CTNNA3: variants seen among roughly 807,000 people sequenced by gnomAD.
The protein encoded by CTNNA3 is catenin alpha 3, also known as catenin alpha-3.
In CTNNA3, 76 loss-of-function variants were observed where a neutral mutation model predicts 95.7. The ratio of observed to expected loss-of-function variants is 0.79; its 90% CI spans 0.66 to 0.96. The LOEUF (loss-of-function observed/expected upper bound fraction) is 0.96. Among genes scored for constraint, CTNNA3 ranks in the 40% least tolerant of loss-of-function variants. The probability of loss-of-function intolerance (pLI) is 0.00; values close to 1 mark genes in which losing one functional copy is unlikely to be tolerated. For synonymous variants in CTNNA3, 431 were observed against 374.4 expected, an observed-to-expected ratio of 1.15 and a Z score of -1.74; for missense variants, 1,191 against 1,089.8, an observed-to-expected ratio of 1.09 and a Z score of -1.31.
chr10:67,443,481 T>C (rs1313253028), intron 5 of CTNNA3, among the ~76,000 whole-genome samples: 17 of 151,906 alleles, frequency 1.1e-4, no homozygotes, highest in South Asian at 6.3e-4. Flanking sequence ...TTTTAATGAT[T>C]GCCGTTCTAA....
intron 4 of CTNNA3, among the ~76,000 whole-genome samples, chr10:67,535,960 T>C (rs1206939187): frequency 6.6e-6 from 1 of 151,928 alleles, no homozygotes; most frequent in East Asian, 1.9e-4. Flanking sequence ...CAAGACACCA[T>C]GAGTAAAAGC....
intron 7 of CTNNA3, among the ~76,000 whole-genome samples, chr10:67,029,241 A>G (rs1853575811): frequency 6.6e-6 from 1 of 152,240 alleles, no homozygotes; most frequent in African/African-American, 2.4e-5. Flanking sequence ...ATATTCTTAA[A>G]TAAAACATGA....
rs1251890896 is a variant in CTNNA3, at chr10:65,940,778, T to G, written c.2401-20161A>C. Among the ~76,000 whole-genome samples, 3 of 152,212 alleles carry G rather than the reference T, an allele frequency of 2.0e-5. No individual in the cohort carries two copies. In the South Asian group the frequency reaches 6.2e-4, roughly 32 times the overall value. ...TATATCCTGTTCAAAAATCAGTTTG[T>G]GAAACTTGCAATGCCATTCACAAAA... On this transcript the variant is annotated intron_variant, in intron 17 of 17. Transcript: ENST00000433211.
Position 67,633,318 on chromosome 10 carries a change from A to T in CTNNA3, c.99+14097T>A, listed in dbSNP as rs568104951. Among the ~76,000 whole-genome samples, 3 of 152,216 alleles carry T rather than the reference A, an allele frequency of 2.0e-5. No homozygotes were observed. The South Asian group carries it at 6.2e-4, about 32-fold the overall frequency. On this transcript the variant is annotated intron_variant, in intron 2 of 17. Transcript: ENST00000433211. ...AGCCATTCTAGCCTGCCAGCTTTGG[A>T]GAATACAAACGGTCCAGATGAAGAA...
At chr10:65,924,471 A>G (rs1226861502) in intron 17 of CTNNA3, among the ~76,000 whole-genome samples, 1 of 152,180 alleles carries the variant, frequency 6.6e-6, no homozygotes, top group Admixed American at 6.5e-5. Flanking sequence ...AAAAGACCAA[A>G]TGACATTAGT....
chr10:67,328,350 A>G (rs1171465041), intron 5 of CTNNA3, among the ~76,000 whole-genome samples: 1 of 152,184 alleles, frequency 6.6e-6, no homozygotes, highest in Admixed American at 6.5e-5. Flanking sequence ...GCTCTGGGAA[A>G]GGACAGCAGA....
At chr10:65,957,703 T>C (rs1308015333) in intron 17 of CTNNA3, among the ~76,000 whole-genome samples, 1 of 152,218 alleles carries the variant, frequency 6.6e-6, no homozygotes, top group Non-Finnish European at 1.5e-5. Flanking sequence ...TCTTTAAGAA[T>C]GTTGAATATT....
chr10:67,190,145 C>T (rs1190446692), intron 6 of CTNNA3, among the ~76,000 whole-genome samples: 1 of 151,872 alleles, frequency 6.6e-6, no homozygotes, highest in Non-Finnish European at 1.5e-5. Context: ...ACTCTATGGC[C>T]TCTAGAAACA....
At chr10:67,539,386 G>A in intron 4 of CTNNA3, 117 bp downstream of exon 4, 1 of 1,063,604 alleles carries the variant, frequency 9.4e-7, no homozygotes, top group Non-Finnish European at 1.4e-6. Context: ...TGCTTCTGAA[G>A]GGGTGATGTT....
At chr10:67,166,952 C>T (rs12775390) in intron 7 of CTNNA3, among the ~76,000 whole-genome samples, 6,634 of 152,026 alleles carry the variant, frequency 0.044, 199 homozygotes, top group Middle Eastern at 0.075. Flanking sequence ...ACTAAAAATA[C>T]AAAAATTAGC....
chr10:66,570,049 C>G (rs1842823103), intron 10 of CTNNA3, among the ~76,000 whole-genome samples: 2 of 152,100 alleles, frequency 1.3e-5, no homozygotes, highest in Non-Finnish European at 2.9e-5. Context: ...TTAAGAATGA[C>G]TCTCATCTCT....
At chr10:67,138,003 G>A (rs1860377241) in intron 7 of CTNNA3, among the ~76,000 whole-genome samples, 1 of 151,870 alleles carries the variant, frequency 6.6e-6, no homozygotes, top group East Asian at 1.9e-4. Flanking sequence ...CCTTTCTTGG[G>A]ATATGCCATC....
At chr10:66,725,747 A>T (rs1416610880) in intron 9 of CTNNA3, among the ~76,000 whole-genome samples, 1 of 152,082 alleles carries the variant, frequency 6.6e-6, no homozygotes. Context: ...TGGATGCATG[A>T]AGCAATGGTC....
At chr10:67,607,135 A>G (rs983523999) in intron 2 of CTNNA3, 86 bp from the exon 3 acceptor site, 2 of 1,091,538 alleles carry the variant, frequency 1.8e-6, no homozygotes, top group African/African-American at 3.2e-5. Flanking sequence ...AACAAAAGAC[A>G]GTACAGTTGA....
intron 10 of CTNNA3, among the ~76,000 whole-genome samples, chr10:66,540,275 G>A (rs1841804124): frequency 6.6e-6 from 1 of 152,082 alleles, no homozygotes. Context: ...TGACTAGATA[G>A]CTGGAACAGT....
chr10:67,138,548 A>C (rs10997527), intron 7 of CTNNA3, among the ~76,000 whole-genome samples: 33,354 of 152,150 alleles, frequency 0.22, 4,370 homozygotes, highest in African/African-American at 0.36. Flanking sequence ...AATGGCTAAT[A>C]AGTGCCCAGC....
chr10:66,598,603 T>C (rs1200782807), intron 10 of CTNNA3, among the ~76,000 whole-genome samples: 1 of 151,960 alleles, frequency 6.6e-6, no homozygotes, highest in African/African-American at 2.4e-5. Context: ...TGAGTATCTA[T>C]ACACTAATGA....
intron 7 of CTNNA3, among the ~76,000 whole-genome samples, chr10:66,807,284 G>A (rs1194959251): frequency 6.6e-6 from 1 of 152,070 alleles, no homozygotes; most frequent in Non-Finnish European, 1.5e-5. Flanking sequence ...CTGAGATGAT[G>A]AATTTTGGTG....
chr10:67,210,376 A>G (rs1489348671), intron 6 of CTNNA3, among the ~76,000 whole-genome samples: 1 of 152,164 alleles, frequency 6.6e-6, no homozygotes, highest in African/African-American at 2.4e-5. Context: ...CTAAAAAGAA[A>G]ATTCTTTACA....
Sources: allele counts gnomAD v4.1 joint callset (sites outside exome capture counted in the v4.1 genomes callset), GRCh38; gene constraint gnomAD v4.1.1; transcripts MANE v1.5; gene names NCBI Gene and HGNC (gene_info 2026-07-23, HGNC 2026-07-21).